Variants in NKD1 observed in about 807,000 individuals in gnomAD.
The protein encoded by NKD1 is protein naked cuticle homolog 1.
Under a neutral mutation model 56.0 loss-of-function variants are expected in NKD1, and 21 were observed. That is an observed-to-expected ratio of 0.38 (90% CI 0.27 to 0.54). NKD1 has a LOEUF of 0.54. Ranked by LOEUF, NKD1 falls within the 20% of genes least tolerant of loss-of-function variation. NKD1 has a pLI of 0.82. For synonymous variants in NKD1, 263 were observed against 265.7 expected (o/e 0.99, Z 0.10); for missense variants, 578 against 642.7 (o/e 0.90, Z 1.09).
At chr16:50,579,984 G>A (rs964459594) in intron 3 of NKD1, among the ~76,000 whole-genome samples, 2 of 151,618 alleles carry the variant, frequency 1.3e-5, no homozygotes, top group South Asian at 2.1e-4. Context: ...TGCTGCACAC[G>A]CACCCTAACC....
chr16:50,549,687 C>T lies in NKD1; in HGVS notation c.192+132C>T, dbSNP rs1391661329. 3 of 943,586 alleles carry T rather than the reference C, an allele frequency of 3.2e-6. No homozygotes were observed. The African/African-American group carries it at 5.2e-5, about 16-fold the overall frequency. 58.5% of individuals were successfully genotyped at this position (943,586 alleles called of 1,614,324 possible). The stretch of plus-strand genomic sequence containing the variant: ...GGTCTGAAAATCTCTTCTCAGCTGC[C>T]CCCTGCCCCACCAACGCGACCCTCT... On this transcript the variant is annotated intron_variant, in intron 3 of 9. Coordinates refer to ENST00000268459, the MANE Select transcript of NKD1 (RefSeq NM_033119.5).
chr16:50,623,356 A>T lies in NKD1; in HGVS notation c.366+1648A>T, dbSNP rs1241627258. On this transcript the variant is annotated intron_variant, in intron 5 of 9. Transcript: ENST00000268459. This position sits in a 1 kb window ranked among gnomAD's most constrained non-coding sequence, Gnocchi z 4.1. ...AAGAGGCTTGAAGGCTCGCCTGAGG[A>T]GGATAGGTAGTATCTAGTAGGAGTT... Among the ~76,000 whole-genome samples, 1 of 152,072 alleles carries T rather than the reference A, an allele frequency of 6.6e-6. No individual in the cohort carries two copies. Among genetic ancestry groups the T allele is most frequent in the Admixed American group, 6.5e-5 (1 of 15,278 alleles).
At chr16:50,619,973 C>T (rs138260386) in intron 4 of NKD1, among the ~76,000 whole-genome samples, 214 of 152,346 alleles carry the variant, frequency 1.4e-3, no homozygotes, top group Middle Eastern at 6.8e-3. Context: ...ATTCAGGCTA[C>T]CTGGGTTCAA....
intron 4 of NKD1, among the ~76,000 whole-genome samples, chr16:50,613,324 C>T (rs1033513508): frequency 6.6e-6 from 1 of 152,110 alleles, no homozygotes; most frequent in Non-Finnish European, 1.5e-5. Context: ...GAAGTAGCCA[C>T]GGACATTGCC....
chr16:50,617,526 A>G (rs1961989604), intron 4 of NKD1, among the ~76,000 whole-genome samples: 1 of 152,194 alleles, frequency 6.6e-6, no homozygotes, highest in Admixed American at 6.5e-5. Context: ...AATGCCTTTA[A>G]TCTGGCAGTT....
chr16:50,608,397 G>A (rs1004901014), intron 4 of NKD1, 37 bp downstream of exon 4: 8 of 1,492,788 alleles, frequency 5.4e-6, no homozygotes, highest in Middle Eastern at 3.4e-4. Context: ...CAGCAGCAGC[G>A]AGTGGGGGAA....
At chr16:50,628,883 C>T (rs1217741564) in intron 6 of NKD1, among the ~76,000 whole-genome samples, 2 of 151,968 alleles carry the variant, frequency 1.3e-5, no homozygotes, top group Non-Finnish European at 2.9e-5. Context: ...TGAGGGCTCG[C>T]TTCCTGGCTT....
At chr16:50,557,777 G>A (rs557564633) in intron 3 of NKD1, 2 of 152,356 alleles carry the variant, frequency 1.3e-5, no homozygotes, top group Non-Finnish European at 2.9e-5. Context: ...GAAGTACTCA[G>A]TGCAAGTTAA....
At chr16:50,586,770 G>A (rs1025131278) in intron 3 of NKD1, among the ~76,000 whole-genome samples, 1 of 152,224 alleles carries the variant, frequency 6.6e-6, no homozygotes, top group Admixed American at 6.5e-5. Context: ...CCCAGCATCT[G>A]CTTGGATACC....
chr16:50,561,160 G>C (rs888613966), intron 3 of NKD1, among the ~76,000 whole-genome samples: 7 of 152,130 alleles, frequency 4.6e-5, no homozygotes, highest in Non-Finnish European at 8.8e-5. Flanking sequence ...CAGTCCCATG[G>C]AGGGGGGGCC....
At chr16:50,555,766 G>A (rs901725207) in intron 3 of NKD1, 1 of 152,148 alleles carries the variant, frequency 6.6e-6, no homozygotes, top group African/African-American at 2.4e-5. Flanking sequence ...GCAGCCCCAT[G>A]GCTGCGAATC....
intron 6 of NKD1, 59 bp downstream of exon 6, chr16:50,625,639 C>T (rs1962193930): frequency 6.5e-6 from 7 of 1,071,838 alleles, no homozygotes; most frequent in South Asian, 1.3e-5. Context: ...AGGGCCTGGG[C>T]ACAGCACCCT....
chr16:50,548,907 C>A, intron 2 of NKD1, 158 bp downstream of exon 2: 1 of 846,558 alleles, frequency 1.2e-6, no homozygotes, highest in Non-Finnish European at 1.4e-6. Flanking sequence ...AGCCTTCGCG[C>A]CCCCTCCTCT....
intron 4 of NKD1, among the ~76,000 whole-genome samples, chr16:50,612,890 T>C (rs1961878463): frequency 6.6e-6 from 1 of 152,112 alleles, no homozygotes; most frequent in African/African-American, 2.4e-5. Flanking sequence ...AAGTTAATTC[T>C]GGCTTCTGGG....
intron 4 of NKD1, among the ~76,000 whole-genome samples, chr16:50,611,270 G>C (rs1358118695): frequency 1.3e-5 from 2 of 151,784 alleles, no homozygotes; most frequent in Admixed American, 6.5e-5. Context: ...GGCTATCTCT[G>C]TGTCTCATCT....
intron 3 of NKD1, chr16:50,562,409 G>A: frequency 2.9e-6 from 1 of 345,142 alleles, no homozygotes; most frequent in Non-Finnish European, 4.1e-6. Flanking sequence ...TACATTTTTA[G>A]GTTGTTTGAT....
At chr16:50,619,799 G>C (rs1444807854) in intron 4 of NKD1, among the ~76,000 whole-genome samples, 2 of 152,192 alleles carry the variant, frequency 1.3e-5, no homozygotes, top group African/African-American at 4.8e-5. Context: ...GATCCACCCA[G>C]GGTCACACAG....
chr16:50,631,464 G>A (rs940629986), intron 8 of NKD1, among the ~76,000 whole-genome samples: 6 of 152,218 alleles, frequency 3.9e-5, no homozygotes, highest in African/African-American at 1.4e-4. Context: ...GCAGGCATAA[G>A]GCTGTGTTAA....
chr16:50,630,340 G>T lies in NKD1; in HGVS notation c.610+7G>T. 8.7e-6 allele frequency: 14 copies of T among 1,613,870 alleles called. No homozygotes were observed. Among genetic ancestry groups the T allele is most frequent in the Non-Finnish European group, 1.2e-5 (14 of 1,179,868 alleles). ...GTCCTTGTCAATCAGGCTGGTGAGG[G>T]CTGCAGGGCTGAGCCTGGGAAACAA... is the stretch of plus-strand genomic sequence containing the variant. On this transcript the variant is annotated splice_region_variant and intron_variant, in intron 7 of 9. Coordinates refer to ENST00000268459, the MANE Select transcript of NKD1 (RefSeq NM_033119.5).
Sources: allele counts gnomAD v4.1 joint callset (sites outside exome capture counted in the v4.1 genomes callset), GRCh38; gene constraint gnomAD v4.1.1; non-coding constraint Gnocchi (gnomAD v3.1); transcripts MANE v1.5; gene names NCBI Gene and HGNC (gene_info 2026-07-23, HGNC 2026-07-21).